The following TRPC4 variants were observed in gnomAD, a reference collection of about 807,000 sequenced individuals.
TRPC4 encodes transient receptor potential cation channel subfamily C member 4, also known as short transient receptor potential channel 4.
TRPC4 carries 49 observed loss-of-function variants against 99.4 expected under a neutral mutation model. The observed-to-expected ratio is 0.49, with a 90% CI of 0.39 to 0.63. TRPC4 has a LOEUF of 0.63. Among genes scored for constraint, TRPC4 ranks in the 20% least tolerant of loss-of-function variants. The pLI is 0.00. For synonymous variants in TRPC4, 454 were observed against 425.9 expected, an observed-to-expected ratio of 1.07 and a Z score of -0.81; for missense variants, 898 against 1,152.9, an observed-to-expected ratio of 0.78 and a Z score of 3.20.
At chr13:37,729,255 A>C (rs1018132196) in intron 3 of TRPC4, among the ~76,000 whole-genome samples, 5 of 152,216 alleles carry the variant, frequency 3.3e-5, no homozygotes, top group African/African-American at 1.2e-4. Flanking sequence ...CATGAGGGAA[A>C]TGCATATCAA....
At chr13:37,777,715 A>G (rs996510826) in intron 2 of TRPC4, among the ~76,000 whole-genome samples, 4 of 152,052 alleles carry the variant, frequency 2.6e-5, no homozygotes, top group African/African-American at 9.7e-5. Flanking sequence ...TAACACAGTA[A>G]TAATGCCAAC....
intron 2 of TRPC4, among the ~76,000 whole-genome samples, chr13:37,776,511 ATTGAGGCTCAC>A (rs1481970037): frequency 4.0e-5 from 6 of 151,812 alleles, no homozygotes; most frequent in Non-Finnish European, 8.8e-5. Context: ...TTACACATAT[ATTGAGGCTCAC>A]TTGAGGCTCA....
Position 37,692,108 on chromosome 13 carries a change from A to G in TRPC4, c.1125T>C (p.Thr375=), listed in dbSNP as rs1210122540. The change falls in exon 4 of 11, where the codon ACT becomes ACC. Residue 375 remains threonine, a synonymous_variant. Coordinates refer to ENST00000379705, the MANE Select transcript of TRPC4 (RefSeq NM_016179.4). ...AGGCAAGCAGCAGCAGGAACAAAAA[A>G]GTCAAATAGGAGGCTGTGTGGCAGA... ...KFICHTASYL[T]FLFLLLLASQ... The G allele has an allele frequency of 2.5e-6, 4 of 1,614,196 alleles. No individual in the cohort carries two copies. The highest frequency in any genetic ancestry group is 2.2e-5 in the East Asian group (1 of 44,878).
At chr13:37,661,894 GT>G (rs1952453978) in intron 6 of TRPC4, among the ~76,000 whole-genome samples, 1 of 152,134 alleles carries the variant, frequency 6.6e-6, no homozygotes, top group East Asian at 1.9e-4. Flanking sequence ...TTATGAGGAT[GT>G]TTTTGCAAGG....
In TRPC4 at chr13:37,791,886, G is replaced by C. The variant is rs139465121; in HGVS notation, c.-27-8526C>G. Among the ~76,000 whole-genome samples, 141 of 152,250 alleles carry C rather than the reference G, an allele frequency of 9.3e-4. 1 individual carries two copies. The highest frequency in any genetic ancestry group is 1.8e-3 in the Non-Finnish European group (120 of 68,006). Reference sequence around the variant, plus strand: ...GGCAGGAGGAACAGGATGCAATCTAGGGAATGACAGAGGGCCAGTTGGCAG... The same window carrying C: ...GGCAGGAGGAACAGGATGCAATCTACGGAATGACAGAGGGCCAGTTGGCAG... On this transcript the variant is annotated intron_variant, in intron 1 of 10. Transcript: ENST00000379705.
At chr13:37,775,761 G>A (rs1377887459) in intron 2 of TRPC4, among the ~76,000 whole-genome samples, 2 of 151,138 alleles carry the variant, frequency 1.3e-5, no homozygotes, top group East Asian at 3.9e-4. Context: ...AACACTTAGA[G>A]GTTTGTTTTA....
chr13:37,836,564 C>T (rs1958572257), intron 1 of TRPC4, among the ~76,000 whole-genome samples: 1 of 152,102 alleles, frequency 6.6e-6, no homozygotes, highest in African/African-American at 2.4e-5. Flanking sequence ...TGGCATTTAG[C>T]CCCTGCCCTA....
chr13:37,803,147 C>T (rs1957447140), intron 1 of TRPC4, among the ~76,000 whole-genome samples: 1 of 151,890 alleles, frequency 6.6e-6, no homozygotes. Flanking sequence ...TGCTTTCATC[C>T]TTTTTATTTT....
intron 1 of TRPC4, among the ~76,000 whole-genome samples, chr13:37,847,358 A>G (rs1373313974): frequency 1.3e-5 from 2 of 152,126 alleles, no homozygotes; most frequent in African/African-American, 4.8e-5. Flanking sequence ...GAGCACAATG[A>G]TATAAAATTA....
chr13:37,820,400 C>T (rs1389207897), intron 1 of TRPC4, among the ~76,000 whole-genome samples: 1 of 151,678 alleles, frequency 6.6e-6, no homozygotes, highest in African/African-American at 2.4e-5. Flanking sequence ...AAAACTATTC[C>T]CAATAATTGA....
chr13:37,764,076 T>C (rs775885287), intron 2 of TRPC4, among the ~76,000 whole-genome samples: 5 of 151,578 alleles, frequency 3.3e-5, no homozygotes, highest in Admixed American at 6.6e-5. Context: ...TGAGATTCCA[T>C]AGAATATTAC....
chr13:37,812,686 G>T lies in TRPC4; in HGVS notation c.-27-29326C>A, dbSNP rs189054903. Among the ~76,000 whole-genome samples the T allele has an allele frequency of 2.2e-3, 340 of 152,000 alleles. 4 individuals are homozygous for T. Among genetic ancestry groups the T allele is most frequent in the Admixed American group, 5.1e-3 (78 of 15,246 alleles). ...ATTAGTGCCTCTTGAGAGAGAGAAG[G>T]TTAAAAATATTTGAAAAATAATGAA... On this transcript the variant is annotated intron_variant, in intron 1 of 10. Coordinates refer to ENST00000379705, the MANE Select transcript of TRPC4 (RefSeq NM_016179.4).
At chr13:37,790,422 T>C (rs2139384053) in intron 1 of TRPC4, among the ~76,000 whole-genome samples, 1 of 152,258 alleles carries the variant, frequency 6.6e-6, no homozygotes, top group South Asian at 2.1e-4. Flanking sequence ...TATGTCAACA[T>C]TAATTAGTTG....
chr13:37,663,370 C>T (rs773279287), intron 6 of TRPC4, 46 bp downstream of exon 6: 8 of 1,550,918 alleles, frequency 5.2e-6, no homozygotes, highest in Non-Finnish European at 7.0e-6. Flanking sequence ...GTGGTGCACT[C>T]TAAATGCTGT....
At chr13:37,738,309 G>C (rs902152745) in intron 3 of TRPC4, among the ~76,000 whole-genome samples, 6 of 152,122 alleles carry the variant, frequency 3.9e-5, no homozygotes, top group Non-Finnish European at 8.8e-5. Flanking sequence ...ATGAATGCAA[G>C]GACTTATTGA....
Position 37,778,050 on chromosome 13 carries a change from T to A in TRPC4, c.378+4906A>T, listed in dbSNP as rs1956753722. ...GGCAACAAAATTATAAATGGCATTA[T>A]AATATTCATGATAGAGACAGTCTGA... On this transcript the variant is annotated intron_variant, in intron 2 of 10. Coordinates refer to ENST00000379705, the MANE Select transcript of TRPC4 (RefSeq NM_016179.4). Among the ~76,000 whole-genome samples, 4 of 152,088 alleles carry A rather than the reference T, an allele frequency of 2.6e-5. No homozygotes were observed. In the South Asian group the frequency reaches 8.3e-4, roughly 31 times the overall value.
At chr13:37,660,375 C>T (rs1952391217) in intron 6 of TRPC4, among the ~76,000 whole-genome samples, 1 of 152,018 alleles carries the variant, frequency 6.6e-6, no homozygotes, top group Non-Finnish European at 1.5e-5. Context: ...GATAAGAAGG[C>T]TCCAGGTGAT....
At chr13:37,805,558 T>C (rs1158678159) in intron 1 of TRPC4, among the ~76,000 whole-genome samples, 1 of 152,058 alleles carries the variant, frequency 6.6e-6, no homozygotes, top group East Asian at 1.9e-4. Context: ...TTGTGCCTGA[T>C]TGGACAGGGA....
chr13:37,661,804 G>A (rs559010387), intron 6 of TRPC4, among the ~76,000 whole-genome samples: 2 of 151,076 alleles, frequency 1.3e-5, no homozygotes, highest in East Asian at 3.9e-4. Flanking sequence ...AATAAGACGG[G>A]AGCCAGAGGG....
Sources: gnomAD v4.1 joint callset for allele counts (sites outside exome capture counted in the v4.1 genomes callset) on GRCh38, gnomAD v4.1.1 for gene constraint, MANE v1.5 for transcripts, NCBI Gene and HGNC (gene_info 2026-07-23, HGNC 2026-07-21) for gene names.